ABCA4: variants seen among roughly 807,000 people sequenced by gnomAD.
ABCA4 encodes retinal-specific phospholipid-transporting ATPase ABCA4.
ABCA4 carries 196 observed loss-of-function variants against 263.7 expected under a neutral mutation model. The ratio of observed to expected loss-of-function variants is 0.74; its 90% CI spans 0.66 to 0.84. The LOEUF (loss-of-function observed/expected upper bound fraction) is 0.84, where lower values mean the gene tolerates loss of function less well. Ranked by LOEUF, ABCA4 falls within the 40% of genes least tolerant of loss-of-function variation. The pLI, the probability that ABCA4 is intolerant of heterozygous loss-of-function variation, is 0.00. For missense variants in ABCA4, 2,792 were observed against 2,855.1 expected (o/e 0.98, Z 0.50); for synonymous variants, 1,133 against 1,094.2 (o/e 1.04, Z -0.70).
Position 94,018,526 on chromosome 1 carries a change from T to C in ABCA4, c.5196+1056A>G, listed in dbSNP as rs886044749. On this transcript the variant is annotated intron_variant, in intron 36 of 49. Coordinates refer to ENST00000370225, the MANE Select transcript of ABCA4 (RefSeq NM_000350.3). ...GTATTGTTAAGTGATAGCTGCTTAC[T>C]AAGCTGAGTAAGATAGAAATCATAT... The C allele has an allele frequency of 6.6e-6, 3 of 454,942 alleles. No individual in the cohort carries two copies. The highest frequency in any genetic ancestry group is 1.3e-5 in the Non-Finnish European group (3 of 226,536). 28.2% of individuals were successfully genotyped at this position (454,942 alleles called of 1,614,324 possible).
chr1:94,028,558 AT>A (rs1409234699), intron 30 of ABCA4, among the ~76,000 whole-genome samples: 1 of 152,240 alleles, frequency 6.6e-6, no homozygotes, highest in Non-Finnish European at 1.5e-5. Context: ...AGCATTGCTT[AT>A]AATGGTGAAA....
chr1:94,029,397 C>T, intron 30 of ABCA4, 48 bp downstream of exon 30: 1 of 1,476,184 alleles, frequency 6.8e-7, no homozygotes, highest in Non-Finnish European at 9.1e-7. Flanking sequence ...TCCCCTAGTC[C>T]CTCTGTGGCA....
chr1:94,083,679 T>C (rs985539642), intron 6 of ABCA4, among the ~76,000 whole-genome samples: 1 of 152,170 alleles, frequency 6.6e-6, no homozygotes, highest in Admixed American at 6.5e-5. Context: ...AGTTTCATAG[T>C]TATATTAAAT....
intron 49 of ABCA4, among the ~76,000 whole-genome samples, chr1:93,994,693 A>G (rs1167459622): frequency 6.6e-6 from 1 of 152,244 alleles, no homozygotes; most frequent in Non-Finnish European, 1.5e-5. Flanking sequence ...AAATTATCAG[A>G]AAAATATGCC....
intron 7 of ABCA4, among the ~76,000 whole-genome samples, chr1:94,081,068 C>A (rs986088723): frequency 6.6e-6 from 1 of 151,900 alleles, no homozygotes; most frequent in African/African-American, 2.4e-5. Flanking sequence ...ATTAAAAATA[C>A]AAAAAAATTA....
intron 14 of ABCA4, chr1:94,059,346 G>A (rs746984224): frequency 6.6e-6 from 1 of 152,224 alleles, no homozygotes; most frequent in Non-Finnish European, 1.5e-5. Context: ...ACATCCAGGT[G>A]GGGTCAGGTT....
In ABCA4 at chr1:94,021,397, T is replaced by G; in HGVS notation, c.4861A>C (p.Asn1621His). The change falls in exon 35 of 50, where the codon AAC becomes CAC. Residue 1621 changes from asparagine (N) to histidine (H), a missense_variant. Asn to His is a moderately conservative substitution (Grantham distance 68). Transcript: ENST00000370225. ...CTGACCAGGGCATGCCAGCCTTTGT[T>G]ATTAAACCACACCTAGAGGGTGGAG... ...TEDNIKVWFN[N>H]KGWHALVSFL... is the part of the protein sequence containing the mutation. 2 of 1,614,224 alleles carry G rather than the reference T, an allele frequency of 1.2e-6. No homozygotes were observed. The highest frequency in any genetic ancestry group is 1.7e-6 in the Non-Finnish European group (2 of 1,180,040).
chr1:94,074,565 G>A lies in ABCA4; in HGVS notation c.1554+3125C>T, dbSNP rs377567386. Among the ~76,000 whole-genome samples, 109 of 152,324 alleles carry A rather than the reference G, an allele frequency of 7.2e-4. 1 individual carries two copies. The South Asian group carries it at 0.017, about 23-fold the overall frequency. ...CACAGCAAAAGAAACTATCATTAGC[G>A]TGAACAGGCAACCTGCAGAATGAGA... On this transcript the variant is annotated intron_variant, in intron 11 of 49. Coordinates refer to ENST00000370225, the MANE Select transcript of ABCA4 (RefSeq NM_000350.3).
chr1:94,079,363 A>G lies in ABCA4; in HGVS notation c.1198T>C (p.Tyr400His), dbSNP rs1661624556. Residue 400 changes from tyrosine to histidine, a missense_variant, in exon 9 of 50, where the codon TAC (tyrosine) becomes CAC (histidine). By Grantham distance (83) the Tyr-to-His change is moderately conservative. Coordinates refer to ENST00000370225, the MANE Select transcript of ABCA4 (RefSeq NM_000350.3). ...CGTGCTGCAGGTGAATCAGGAGTGTACAGGATTTTTCCCATCAGCAAAGGC... is the reference window on the plus strand; with the variant it reads ...CGTGCTGCAGGTGAATCAGGAGTGTGCAGGATTTTTCCCATCAGCAAAGGC... ...AKPLLMGKIL[Y>H]TPDSPAARRI... 6.2e-7 allele frequency: 1 copy of G among 1,614,220 alleles called. No homozygotes were observed. The highest frequency in any genetic ancestry group is 1.1e-5 in the South Asian group (1 of 91,076).
At chr1:94,080,450 AT>A in intron 8 of ABCA4, 27 bp downstream of exon 8, 1 of 1,614,008 alleles carries the variant, frequency 6.2e-7, no homozygotes, top group Non-Finnish European at 8.5e-7. Flanking sequence ...TGAGAGGCCA[AT>A]TTATAAGCAG....
At chr1:93,998,242 G>T in intron 47 of ABCA4, 132 bp from the exon 48 acceptor site, 1 of 1,241,954 alleles carries the variant, frequency 8.1e-7, no homozygotes, top group Non-Finnish European at 1.2e-6. Flanking sequence ...TGAAATCCCA[G>T]CAATTTGGGA....
intron 1 of ABCA4, among the ~76,000 whole-genome samples, chr1:94,115,033 C>T (rs1325265848): frequency 1.3e-5 from 2 of 152,318 alleles, no homozygotes; most frequent in Non-Finnish European, 2.9e-5. Context: ...TGACATGGGG[C>T]TCAGGTCACC....
intron 23 of ABCA4, 67 bp from the exon 24 acceptor site, chr1:94,040,194 C>T: frequency 7.8e-7 from 1 of 1,289,708 alleles, no homozygotes; most frequent in East Asian, 2.4e-5. Context: ...TCCCTGATGC[C>T]AGCTGCTGTC....
chr1:94,056,426 C>T (rs1019264780), intron 15 of ABCA4, among the ~76,000 whole-genome samples, 175 bp downstream of exon 15: 1 of 152,184 alleles, frequency 6.6e-6, no homozygotes, highest in Non-Finnish European at 1.5e-5. Context: ...TTGCATCGCT[C>T]GGGGTGAGGA....
rs61754041 is a variant in ABCA4 at position 94,031,966 on chromosome 1, G to T, written c.3940C>A (p.Pro1314Thr). 4.5e-5 allele frequency: 72 copies of T among 1,613,996 alleles called. No individual in the cohort carries two copies. The highest frequency in any genetic ancestry group is 6.7e-5 in the African/African-American group (5 of 74,910). The change falls in exon 27 of 50, where the codon CCC becomes ACC. Residue 1314 changes from proline (P) to threonine (T), a missense_variant. Transcript: ENST00000370225. ...LGPREKAGQT[P>T]QDSNVCSPGA... The stretch of plus-strand genomic sequence containing the variant: ...GGGGAGCAGACATTGGAGTCCTGGG[G>T]TGTCTGTCCAGCCTTCTCTCTGGGA...
chr1:94,062,007 G>A (rs1434695052), intron 13 of ABCA4, among the ~76,000 whole-genome samples: 2 of 152,030 alleles, frequency 1.3e-5, no homozygotes, highest in African/African-American at 4.8e-5. Context: ...CAAACAGTAG[G>A]CTGCTTGCTT....
intron 11 of ABCA4, among the ~76,000 whole-genome samples, chr1:94,075,391 A>C (rs1661513583): frequency 2.0e-5 from 3 of 152,190 alleles, no homozygotes; most frequent in Admixed American, 2.0e-4. Context: ...ATTCAAGGTC[A>C]TTCTTATCTT....
At chr1:94,064,923 T>C (rs1294533434) in intron 11 of ABCA4, among the ~76,000 whole-genome samples, 5 of 152,052 alleles carry the variant, frequency 3.3e-5, no homozygotes, top group Non-Finnish European at 7.4e-5. Flanking sequence ...CTATGATCAC[T>C]GGTAGTGGAG....
chr1:94,055,226 G>T lies in ABCA4; in HGVS notation c.2472C>A (p.Ile824=). The T allele has an allele frequency of 6.2e-7, 1 of 1,614,164 alleles. No homozygotes were observed. Among genetic ancestry groups the T allele is most frequent in the Non-Finnish European group, 8.5e-7 (1 of 1,180,036 alleles). ...CGTCCCCTTCCGTGGGACTGTTCCC[G>T]ATGTTGCTCCACTGCAGCCCCAGGC... is the stretch of plus-strand genomic sequence containing the variant. The part of the protein sequence containing the change: ...EQGLGLQWSN[I]GNSPTEGDEF... Residue 824 remains isoleucine, a synonymous_variant, in exon 16 of 50, where the codon ATC becomes ATA. Transcript: ENST00000370225.
Sources: gnomAD v4.1 joint callset for allele counts (sites outside exome capture counted in the v4.1 genomes callset) on GRCh38, gnomAD v4.1.1 for gene constraint, MANE v1.5 for transcripts, NCBI Gene and HGNC (gene_info 2026-07-23, HGNC 2026-07-21) for gene names.